FCGR2A: variants seen among roughly 807,000 people sequenced by gnomAD.
FCGR2A encodes the protein low affinity immunoglobulin gamma Fc region receptor II-a.
A neutral mutation model predicts 29.3 loss-of-function variants in FCGR2A; 18 were observed. The ratio of observed to expected loss-of-function variants is 0.62; its 90% CI spans 0.43 to 0.91. The LOEUF (loss-of-function observed/expected upper bound fraction) is 0.91. Ranked by LOEUF, FCGR2A falls within the 40% of genes least tolerant of loss-of-function variation. FCGR2A has a pLI of 0.00. For missense variants in FCGR2A, 287 were observed against 393.0 expected, an observed-to-expected ratio of 0.73 and a Z score of 2.28; for synonymous variants, 126 against 144.8, an observed-to-expected ratio of 0.87 and a Z score of 0.93.
At chr1:161,514,192 A>G (rs1354956587) in intron 6 of FCGR2A, among the ~76,000 whole-genome samples, 1 of 152,024 alleles carries the variant, frequency 6.6e-6, no homozygotes, top group Non-Finnish European at 1.5e-5. Context: ...TTAGACAGAA[A>G]TAAGATTTAA....
At chr1:161,510,144 C>T in intron 4 of FCGR2A, 70 bp downstream of exon 4, 1 of 1,593,686 alleles carries the variant, frequency 6.3e-7, no homozygotes. Context: ...TCACATGGGC[C>T]TACATGGAGG....
At chr1:161,516,653 C>T (rs423845) in intron 6 of FCGR2A, among the ~76,000 whole-genome samples, 12 of 151,764 alleles carry the variant, frequency 7.9e-5, no homozygotes, top group South Asian at 2.1e-4. Flanking sequence ...CTTTGATTTT[C>T]GGTAAAAATG....
chr1:161,520,036 CA>C (rs1363685271), downstream of FCGR2A: 1 of 151,900 alleles, frequency 6.6e-6, no homozygotes, highest in Non-Finnish European at 1.5e-5. Flanking sequence ...GACACAGCAT[CA>C]CTGTGCACAA....
At chr1:161,520,266 T>G (rs1484695389), downstream of FCGR2A, among the ~76,000 whole-genome samples, 1 of 152,084 alleles carries the variant, frequency 6.6e-6, no homozygotes, top group African/African-American at 2.4e-5. Flanking sequence ...TGGGGAGGCC[T>G]CAGGAAACTT....
downstream of FCGR2A, among the ~76,000 whole-genome samples, chr1:161,520,743 T>C (rs487190): frequency 5.0e-4 from 76 of 152,092 alleles, no homozygotes; most frequent in Non-Finnish European, 9.9e-4. Flanking sequence ...ATTCTCACCA[T>C]AACAGCTATT....
intron 3 of FCGR2A, chr1:161,506,825 T>G (rs1675444184): frequency 2.5e-6 from 2 of 797,484 alleles, no homozygotes; most frequent in African/African-American, 3.5e-5. Flanking sequence ...TGCCTCAGTC[T>G]TGATTGAGCA....
At chr1:161,517,796 T>G (rs957351991) in intron 6 of FCGR2A, among the ~76,000 whole-genome samples, 179 bp from the exon 7 acceptor site, 2 of 152,098 alleles carry the variant, frequency 1.3e-5, no homozygotes, top group African/African-American at 2.4e-5. Context: ...ATACATGAGT[T>G]TTTCATCAGA....
At chr1:161,509,764 A>C in intron 3 of FCGR2A, 56 bp from the exon 4 acceptor site, 1 of 1,605,546 alleles carries the variant, frequency 6.2e-7, no homozygotes, top group Non-Finnish European at 8.5e-7. Context: ...TCTGAGACTG[A>C]AAAACCCTTG....
At chr1:161,516,145 T>A (rs1337070571) in intron 6 of FCGR2A, among the ~76,000 whole-genome samples, 2 of 152,220 alleles carry the variant, frequency 1.3e-5, no homozygotes, top group East Asian at 3.9e-4. Flanking sequence ...TACCTTGAGA[T>A]GACAGGTAGT....
At chr1:161,507,608 G>A (rs1263376341) in intron 3 of FCGR2A, among the ~76,000 whole-genome samples, 1 of 152,232 alleles carries the variant, frequency 6.6e-6, no homozygotes, top group Non-Finnish European at 1.5e-5. Context: ...GGCTGCTGCT[G>A]TACCAGAGAG....
chr1:161,510,590 G>A (rs936511678), intron 4 of FCGR2A, among the ~76,000 whole-genome samples: 21 of 152,160 alleles, frequency 1.4e-4, no homozygotes, highest in Non-Finnish European at 5.9e-5. Flanking sequence ...TCACCAGTGT[G>A]CTTTCATTCA....
intron 2 of FCGR2A, 43 bp downstream of exon 2, chr1:161,506,050 C>T: frequency 6.3e-7 from 1 of 1,592,632 alleles, no homozygotes; most frequent in Non-Finnish European, 8.6e-7. Flanking sequence ...GTGTTGTATC[C>T]TCATAATATG....
At chr1:161,521,247 C>G (rs1676437907), downstream of FCGR2A, among the ~76,000 whole-genome samples, 2 of 151,912 alleles carry the variant, frequency 1.3e-5, no homozygotes, top group Non-Finnish European at 2.9e-5. Context: ...ATGTGAGCTC[C>G]AGGAGAGGTC....
At chr1:161,513,755 C>A (rs1356262835) in intron 5 of FCGR2A, 140 bp from the exon 6 acceptor site, 2 of 1,227,678 alleles carry the variant, frequency 1.6e-6, no homozygotes, top group Admixed American at 1.9e-5. Flanking sequence ...ATTTACTTAG[C>A]CCTTGGCCTT....
rs1207110958 is a variant in FCGR2A at position 161,509,830 on chromosome 1, G to A, written c.375G>A (p.Val125=). The A allele has an allele frequency of 6.2e-7, 1 of 1,614,078 alleles. No homozygotes were observed. The highest frequency in any genetic ancestry group is 1.7e-5 in the Admixed American group (1 of 60,008). ...VHLTVLSEWL[V]LQTPHLEFQE... ...ATTTGTGTCTTTCAGAATGGCTGGT[G>A]CTCCAGACCCCTCACCTGGAGTTCC... is the stretch of plus-strand genomic sequence containing the variant. The change falls in exon 4 of 7, where the codon GTG becomes GTA. Residue 125 remains valine (V), a synonymous_variant. Transcript: ENST00000271450.
intron 6 of FCGR2A, 119 bp from the exon 7 acceptor site, chr1:161,517,856 C>G (rs1451667581): frequency 7.7e-6 from 5 of 649,230 alleles, no homozygotes; most frequent in Non-Finnish European, 1.1e-5. Context: ...AGTCTTGGCT[C>G]CCGAGAATCT....
rs200653207 is a variant in FCGR2A at position 161,518,157 on chromosome 1, G to A, written c.*9G>A. On this transcript the variant is annotated 3_prime_UTR_variant, in exon 7 of 7. Coordinates refer to ENST00000271450, the MANE Select transcript of FCGR2A (RefSeq NM_001136219.3). ...TCAACAGTAATAACTAAAGAGTAACGTTATGCCATGTGGTCATACTCTCAG... is the reference window on the plus strand; with the variant it reads ...TCAACAGTAATAACTAAAGAGTAACATTATGCCATGTGGTCATACTCTCAG... 2.0e-5 allele frequency: 32 copies of A among 1,612,424 alleles called. No homozygotes were observed. The highest frequency in any genetic ancestry group is 9.9e-5 in the South Asian group (9 of 90,848).
chr1:161,511,869 T>G (rs867420804), intron 5 of FCGR2A, among the ~76,000 whole-genome samples: 3 of 152,242 alleles, frequency 2.0e-5, no homozygotes, highest in Non-Finnish European at 4.4e-5. Flanking sequence ...TCACCAGGGC[T>G]GCCGGCTGGA....
chr1:161,509,869 C>T lies in FCGR2A; in HGVS notation c.414C>T (p.Thr138=), dbSNP rs748874961. Residue 138 remains threonine (T), a synonymous_variant, in exon 4 of 7, where the codon ACC becomes ACT. Coordinates refer to ENST00000271450, the MANE Select transcript of FCGR2A (RefSeq NM_001136219.3). ...ACCTGGAGTTCCAGGAGGGAGAAACCATCATGCTGAGGTGCCACAGCTGGA... is the reference window on the plus strand; with the variant it reads ...ACCTGGAGTTCCAGGAGGGAGAAACTATCATGCTGAGGTGCCACAGCTGGA... The part of the protein sequence containing the change: ...TPHLEFQEGE[T]IMLRCHSWKD... 4 of 1,614,090 alleles carry T rather than the reference C, an allele frequency of 2.5e-6. No individual in the cohort carries two copies. The Admixed American group carries it at 5.0e-5, about 20-fold the overall frequency.
Sources: gnomAD v4.1 joint callset for allele counts (sites outside exome capture counted in the v4.1 genomes callset) on GRCh38, gnomAD v4.1.1 for gene constraint, MANE v1.5 for transcripts, NCBI Gene and HGNC (gene_info 2026-07-23, HGNC 2026-07-21) for gene names.